PPARGC1A: variants seen among roughly 807,000 people sequenced by gnomAD.
PPARGC1A encodes the protein PPARG coactivator 1 alpha.
A neutral mutation model predicts 88.7 loss-of-function variants in PPARGC1A; 25 were observed. The observed-to-expected ratio is 0.28, with a 90% CI of 0.21 to 0.39. The LOEUF (loss-of-function observed/expected upper bound fraction) is 0.39. Among genes scored for constraint, PPARGC1A ranks in the 10% least tolerant of loss-of-function variants. The pLI is 1.00. For synonymous variants in PPARGC1A, 363 were observed against 355.6 expected (o/e 1.02, Z -0.24); for missense variants, 880 against 968.7 (o/e 0.91, Z 1.22).
At chr4:24,284,188 C>T in the PPARGC1A span, among the ~76,000 whole-genome samples, 9 of 151,652 alleles carry the variant, frequency 5.9e-5, no homozygotes, top group Non-Finnish European at 2.9e-5. Context: ...ACCTGTAATC[C>T]CAGCTATTTA....
chr4:23,943,107 G>C, the PPARGC1A span, among the ~76,000 whole-genome samples: 2 of 152,266 alleles, frequency 1.3e-5, no homozygotes, highest in East Asian at 3.9e-4. Context: ...TCATAGCCCA[G>C]CAAATACCCA....
At chr4:24,183,645 T>G in the PPARGC1A span, among the ~76,000 whole-genome samples, 1 of 152,194 alleles carries the variant, frequency 6.6e-6, no homozygotes, top group African/African-American at 2.4e-5. Context: ...AACATTCCCA[T>G]GATATAAAAT....
the PPARGC1A span, among the ~76,000 whole-genome samples, chr4:24,442,393 T>A: frequency 6.6e-6 from 1 of 152,208 alleles, no homozygotes; most frequent in African/African-American, 2.4e-5. Flanking sequence ...AATTTATTTT[T>A]TAAAAAATGT....
At chr4:24,230,461 T>C in the PPARGC1A span, among the ~76,000 whole-genome samples, 1 of 152,164 alleles carries the variant, frequency 6.6e-6, no homozygotes, top group Admixed American at 6.5e-5. Context: ...GCACAAGAGA[T>C]GTGGTTGACT....
chr4:23,997,583 A>G, the PPARGC1A span, among the ~76,000 whole-genome samples: 3 of 144,820 alleles, frequency 2.1e-5, no homozygotes, highest in Admixed American at 7.3e-5. Flanking sequence ...GCTCACTGCA[A>G]CCTCCACCTC....
the PPARGC1A span, among the ~76,000 whole-genome samples, chr4:24,328,774 G>T: frequency 1.3e-5 from 2 of 152,142 alleles, no homozygotes; most frequent in African/African-American, 2.4e-5. Flanking sequence ...GCTTTAAACG[G>T]TCTGATTCTT....
intron 2 of PPARGC1A, among the ~76,000 whole-genome samples, chr4:23,857,393 TACTAA>T (rs2148693060): frequency 2.1e-5 from 3 of 145,466 alleles, no homozygotes; most frequent in East Asian, 2.1e-4. Context: ...CACACGCACG[TACTAA>T]ATAGATTTTA....
chr4:23,976,435 G>C, the PPARGC1A span, among the ~76,000 whole-genome samples: 862 of 152,226 alleles, frequency 5.7e-3, 12 homozygotes, highest in African/African-American at 0.019. Context: ...TATAACTTTT[G>C]CTTTCCAAAA....
chr4:24,092,997 C>A, the PPARGC1A span, among the ~76,000 whole-genome samples: 4 of 152,166 alleles, frequency 2.6e-5, no homozygotes, highest in African/African-American at 4.8e-5. Flanking sequence ...CAATATCAAC[C>A]ATAATCATCA....
chr4:24,054,322 A>AC, the PPARGC1A span, among the ~76,000 whole-genome samples: 626 of 152,080 alleles, frequency 4.1e-3, 16 homozygotes, highest in Admixed American at 0.036. Flanking sequence ...AAAAAAAAAA[A>AC]AAAACACTAT....
chr4:23,870,877 A>C (rs1275231122), intron 2 of PPARGC1A, among the ~76,000 whole-genome samples: 7 of 152,174 alleles, frequency 4.6e-5, no homozygotes, highest in Admixed American at 2.6e-4. Flanking sequence ...TCTTTCAACT[A>C]TAAAAGATGT....
At chr4:24,226,468 G>A in the PPARGC1A span, among the ~76,000 whole-genome samples, 17 of 152,354 alleles carry the variant, frequency 1.1e-4, no homozygotes, top group African/African-American at 3.6e-4. Flanking sequence ...AAACGAGGTG[G>A]GGAATTCCCC....
the PPARGC1A span, among the ~76,000 whole-genome samples, chr4:24,154,137 A>G: frequency 6.6e-6 from 1 of 152,184 alleles, no homozygotes; most frequent in Non-Finnish European, 1.5e-5. Context: ...TTTGAATCCC[A>G]TCTCCAAGTA....
chr4:23,812,775 T>C lies in PPARGC1A; in HGVS notation c.1991A>G (p.Gln664Arg), dbSNP rs139102065. 1.7e-5 allele frequency: 27 copies of C among 1,613,942 alleles called. No homozygotes were observed. Among genetic ancestry groups the C allele is most frequent in the Non-Finnish European group, 2.3e-5 (27 of 1,179,998 alleles). Reference sequence around the variant, plus strand: ...TGCCTTCTGCCTCTGCCTCTCCCTTTGCTTGGCCCTCTCAGACTCTCGCTT... The same window carrying C: ...TGCCTTCTGCCTCTGCCTCTCCCTTCGCTTGGCCCTCTCAGACTCTCGCTT... ...YEKRESERAK[Q>R]RERQRQKAIE... The change falls in exon 10 of 13, where the codon CAA (glutamine) becomes CGA (arginine). Residue 664 changes from glutamine (Q) to arginine (R), a missense_variant. Transcript: ENST00000264867.
chr4:24,116,266 G>A, the PPARGC1A span, among the ~76,000 whole-genome samples: 1 of 152,052 alleles, frequency 6.6e-6, no homozygotes, highest in Non-Finnish European at 1.5e-5. Context: ...TGCCCTGTCT[G>A]GGCGCTGGCT....
At chr4:24,186,021 TA>T in the PPARGC1A span, among the ~76,000 whole-genome samples, 1 of 152,064 alleles carries the variant, frequency 6.6e-6, no homozygotes, top group Non-Finnish European at 1.5e-5. Context: ...ATTAAAGTAA[TA>T]TTTGGCTACC....
At chr4:24,051,900 C>G in the PPARGC1A span, among the ~76,000 whole-genome samples, 1 of 137,426 alleles carries the variant, frequency 7.3e-6, no homozygotes, top group South Asian at 2.4e-4. Flanking sequence ...GTAAATGTGT[C>G]AACTTGGGAC....
chr4:23,924,999 A>G, the PPARGC1A span, among the ~76,000 whole-genome samples: 1 of 152,250 alleles, frequency 6.6e-6, no homozygotes, highest in East Asian at 1.9e-4. Context: ...AGTATGAACT[A>G]CTGTAACAAT....
At chr4:24,122,385 A>ATGTGTG in the PPARGC1A span, among the ~76,000 whole-genome samples, 187 of 105,990 alleles carry the variant, frequency 1.8e-3, 1 homozygote, top group African/African-American at 4.0e-3. Context: ...GTGTATGCGT[A>ATGTGTG]TGTGTGTGTG....
Sources: gnomAD v4.1 joint callset for allele counts (sites outside exome capture counted in the v4.1 genomes callset) on GRCh38, gnomAD v4.1.1 for gene constraint, MANE v1.5 for transcripts, NCBI Gene and HGNC (gene_info 2026-07-23, HGNC 2026-07-21) for gene names.